Variants in EPHA7 observed in about 807,000 individuals in gnomAD.
EPHA7 encodes EPH receptor A7, also known as ephrin type-A receptor 7.
In EPHA7, 25 loss-of-function variants were observed where a neutral mutation model predicts 112.6. The observed-to-expected ratio is 0.22, with a 90% CI of 0.16 to 0.31. The LOEUF (loss-of-function observed/expected upper bound fraction) is 0.31, where lower values mean the gene tolerates loss of function less well. Among genes scored for constraint, EPHA7 ranks in the 10% least tolerant of loss-of-function variants. The probability of loss-of-function intolerance (pLI) is 1.00; values close to 1 mark genes in which losing one functional copy is unlikely to be tolerated. For synonymous variants in EPHA7, 437 were observed against 406.5 expected (o/e 1.07, Z -0.90); for missense variants, 962 against 1,212.6 (o/e 0.79, Z 3.07).
intron 3 of EPHA7, among the ~76,000 whole-genome samples, chr6:93,405,604 C>CAAA (rs1327847722): frequency 6.6e-6 from 1 of 151,272 alleles, no homozygotes; most frequent in Non-Finnish European, 1.5e-5. Context: ...TTACTTCATT[C>CAAA]AATTCTGACA....
intron 3 of EPHA7, among the ~76,000 whole-genome samples, chr6:93,371,499 C>T (rs1405408276): frequency 6.6e-6 from 1 of 152,126 alleles, no homozygotes; most frequent in Non-Finnish European, 1.5e-5. Flanking sequence ...AACTCACCCC[C>T]CTTGATACTG....
chr6:93,248,809 C>T (rs1447580311), intron 14 of EPHA7, among the ~76,000 whole-genome samples: 2 of 152,134 alleles, frequency 1.3e-5, no homozygotes, highest in Admixed American at 6.5e-5. Context: ...ACATCCTGAT[C>T]CTCCTGCCTC....
chr6:93,377,427 T>C (rs570398462), intron 3 of EPHA7, among the ~76,000 whole-genome samples: 45 of 152,056 alleles, frequency 3.0e-4, no homozygotes, highest in Non-Finnish European at 5.7e-4. Context: ...AAAACCATAA[T>C]TTCATTAGAA....
intron 5 of EPHA7, among the ~76,000 whole-genome samples, chr6:93,294,958 T>C (rs557669010): frequency 1.5e-3 from 224 of 152,188 alleles, no homozygotes; most frequent in Non-Finnish European, 2.5e-3. Context: ...AGTTTTGAAT[T>C]GACTTTTTCT....
chr6:93,331,842 T>C lies in EPHA7; in HGVS notation c.1324+24875A>G, dbSNP rs140329944. ...TATTGTAAACCACTATGTCATTTTATCTTTTCATAGCATCCACAAGCAAAG... is the reference window on the plus strand; with the variant it reads ...TATTGTAAACCACTATGTCATTTTACCTTTTCATAGCATCCACAAGCAAAG... On this transcript the variant is annotated intron_variant, in intron 5 of 16. Transcript: ENST00000369303. 1.2e-3 allele frequency among the ~76,000 whole-genome samples: 185 copies of C among 151,772 alleles called. 1 individual carries two copies. Among genetic ancestry groups the C allele is most frequent in the African/African-American group, 4.2e-3 (174 of 41,500 alleles).
At chr6:93,305,554 A>C (rs1773213671) in intron 5 of EPHA7, among the ~76,000 whole-genome samples, 1 of 151,918 alleles carries the variant, frequency 6.6e-6, no homozygotes, top group South Asian at 2.1e-4. Context: ...AAATACATAC[A>C]ATTAAAGTAT....
rs200721214 is a variant in EPHA7, at chr6:93,340,842, G to GA, written c.1324+15874dup. On this transcript the variant is annotated intron_variant, in intron 5 of 16. Coordinates refer to ENST00000369303, the MANE Select transcript of EPHA7 (RefSeq NM_004440.4). ...GTCCAATTAAAGTTATACATTGAGA[G>GA]AAAAAAAAACAAAGTTAGCTGTGTA... is the stretch of plus-strand genomic sequence containing the variant. Among the ~76,000 whole-genome samples, 15 of 149,818 alleles carry GA rather than the reference G, an allele frequency of 1.0e-4. No homozygotes were observed. The South Asian group carries it at 1.3e-3, about 13-fold the overall frequency.
chr6:93,286,432 T>G (rs1772068320), intron 5 of EPHA7, among the ~76,000 whole-genome samples: 1 of 152,140 alleles, frequency 6.6e-6, no homozygotes, highest in Non-Finnish European at 1.5e-5. Flanking sequence ...ATTTTTAAAA[T>G]GTAATCTGGC....
At chr6:93,268,344 C>A (rs1263431112) in intron 7 of EPHA7, among the ~76,000 whole-genome samples, 1 of 151,712 alleles carries the variant, frequency 6.6e-6, no homozygotes, top group African/African-American at 2.4e-5. Flanking sequence ...ATACTGCTAG[C>A]AAACTTTACA....
intron 3 of EPHA7, among the ~76,000 whole-genome samples, chr6:93,401,346 A>T (rs1778429039): frequency 6.6e-6 from 1 of 152,142 alleles, no homozygotes; most frequent in South Asian, 2.1e-4. Context: ...AACAAAGTAA[A>T]TTAAATAATA....
At chr6:93,397,688 T>C (rs1238729534) in intron 3 of EPHA7, among the ~76,000 whole-genome samples, 1 of 151,950 alleles carries the variant, frequency 6.6e-6, no homozygotes, top group East Asian at 1.9e-4. Flanking sequence ...CAGTTATCTA[T>C]TAACATTAAT....
At chr6:93,299,311 G>A (rs1772844119) in intron 5 of EPHA7, among the ~76,000 whole-genome samples, 1 of 150,974 alleles carries the variant, frequency 6.6e-6, no homozygotes, top group Non-Finnish European at 1.5e-5. Flanking sequence ...GGGCGACAGA[G>A]CGAGACTCCG....
chr6:93,317,313 T>C (rs1325363858), intron 5 of EPHA7, among the ~76,000 whole-genome samples: 2 of 152,124 alleles, frequency 1.3e-5, no homozygotes, highest in African/African-American at 4.8e-5. Context: ...ACATTTCCCA[T>C]ACATAACAGG....
At position 93,241,187 on chromosome 6, in the gene EPHA7, G is replaced by T. The variant is rs1446189424; in HGVS notation, c.*2239C>A. On this transcript the variant is annotated 3_prime_UTR_variant, in exon 17 of 17. Coordinates refer to ENST00000369303, the MANE Select transcript of EPHA7 (RefSeq NM_004440.4). ...ATACTATGTCTTCTATTTCTAGAAT[G>T]GCTTTTGTTAATTTAATTTTAATAG... is the stretch of plus-strand genomic sequence containing the variant. 4.7e-6 allele frequency: 1 copy of T among 213,076 alleles called. No homozygotes were observed. Among genetic ancestry groups the T allele is most frequent in the Non-Finnish European group, 9.5e-6 (1 of 105,336 alleles). 13.2% of individuals were successfully genotyped at this position (213,076 alleles called of 1,614,324 possible).
intron 3 of EPHA7, among the ~76,000 whole-genome samples, chr6:93,402,084 T>A (rs1216570164): frequency 6.6e-6 from 1 of 152,022 alleles, no homozygotes; most frequent in African/African-American, 2.4e-5. Context: ...TACTTCCCAA[T>A]GCTAGGTTAA....
chr6:93,294,422 T>C (rs1013607682), intron 5 of EPHA7, among the ~76,000 whole-genome samples: 2 of 152,190 alleles, frequency 1.3e-5, no homozygotes, highest in African/African-American at 4.8e-5. Context: ...AAAAGCTGAA[T>C]TTATATATAA....
At chr6:93,398,080 T>C (rs1778266922) in intron 3 of EPHA7, among the ~76,000 whole-genome samples, 1 of 151,992 alleles carries the variant, frequency 6.6e-6, no homozygotes, top group African/African-American at 2.4e-5. Flanking sequence ...GTTGTGTCAG[T>C]ATTTTAACCT....
At chr6:93,275,970 C>T (rs1307936512) in intron 5 of EPHA7, among the ~76,000 whole-genome samples, 1 of 151,908 alleles carries the variant, frequency 6.6e-6, no homozygotes, top group Non-Finnish European at 1.5e-5. Context: ...CCCTCTACCC[C>T]CTGCCAACAG....
intron 7 of EPHA7, among the ~76,000 whole-genome samples, chr6:93,267,240 G>C (rs573255575): frequency 2.1e-4 from 32 of 151,762 alleles, no homozygotes; most frequent in Middle Eastern, 3.4e-3. Context: ...TTTGAGAAAG[G>C]CTGTGTTTAA....
Sources: gnomAD v4.1 joint callset for allele counts (sites outside exome capture counted in the v4.1 genomes callset) on GRCh38, gnomAD v4.1.1 for gene constraint, MANE v1.5 for transcripts, NCBI Gene and HGNC (gene_info 2026-07-23, HGNC 2026-07-21) for gene names.